Variants in SOCS7 observed in about 807,000 individuals in gnomAD.
The protein encoded by SOCS7 is NAP-4.
SOCS7 carries 18 observed loss-of-function variants against 58.9 expected under a neutral mutation model. The observed-to-expected ratio is 0.31, with a 90% CI of 0.21 to 0.45. SOCS7 has a LOEUF of 0.45. Among genes scored for constraint, SOCS7 ranks in the 20% least tolerant of loss-of-function variants. SOCS7 has a pLI of 1.00. For synonymous variants in SOCS7, 388 were observed against 364.3 expected (o/e 1.06, Z -0.74); for missense variants, 667 against 837.3 (o/e 0.80, Z 2.51).
At chr17:38,359,117 G>A (rs1228627501) in intron 1 of SOCS7, among the ~76,000 whole-genome samples, 1 of 152,184 alleles carries the variant, frequency 6.6e-6, no homozygotes, top group Non-Finnish European at 1.5e-5. Context: ...CTACTTGCTG[G>A]GTTTAATGTT....
At chr17:38,389,187 C>T (rs1159999726) in intron 7 of SOCS7, among the ~76,000 whole-genome samples, 1 of 152,208 alleles carries the variant, frequency 6.6e-6, no homozygotes. Context: ...AACATCTTTT[C>T]ATCTGCTTAT....
chr17:38,364,716 C>A (rs752819918), intron 2 of SOCS7, 36 bp from the exon 3 acceptor site: 2 of 1,563,998 alleles, frequency 1.3e-6, no homozygotes, highest in Non-Finnish European at 1.8e-6. Flanking sequence ...TTGGGCAAGG[C>A]GCTTCTGTAA....
intron 7 of SOCS7, among the ~76,000 whole-genome samples, chr17:38,387,015 G>A (rs1414977021): frequency 7.1e-6 from 1 of 141,406 alleles, no homozygotes; most frequent in South Asian, 2.2e-4. Context: ...GAATCGGGAG[G>A]CAGAGCTTGC....
intron 5 of SOCS7, among the ~76,000 whole-genome samples, chr17:38,367,267 G>A (rs2037802851): frequency 6.6e-6 from 1 of 152,094 alleles, no homozygotes; most frequent in African/African-American, 2.4e-5. Context: ...GTTTCACCAT[G>A]TTGGCCAGGC....
At position 38,352,451 on chromosome 17, in the gene SOCS7, G is replaced by C. The variant is rs960871743; in HGVS notation, c.399G>C (p.Ala133=). The C allele has an allele frequency of 1.4e-6, 2 of 1,461,254 alleles. No individual in the cohort carries two copies. Among genetic ancestry groups the C allele is most frequent in the Non-Finnish European group, 1.8e-6 (2 of 1,108,670 alleles). 90.5% of individuals were successfully genotyped at this position (1,461,254 alleles called of 1,614,324 possible). The stretch of plus-strand genomic sequence containing the variant: ...CGGCTCTGGGGCTCGGGCAGCCGGC[G>C]GGGCCGGGGGTCAAGACAGTCGGTG... ...QLAALGLGQP[A]GPGVKTVGGG... is the part of the protein sequence containing the mutation. The change falls in exon 1 of 10, where the codon GCG becomes GCC. Residue 133 remains alanine, a synonymous_variant. Coordinates refer to ENST00000612932, the MANE Select transcript of SOCS7 (RefSeq NM_014598.4). This position sits in a 1 kb window ranked among gnomAD's most constrained non-coding sequence, Gnocchi z 5.5.
intron 7 of SOCS7, among the ~76,000 whole-genome samples, chr17:38,385,598 TTA>T (rs1258105453): frequency 1.3e-5 from 2 of 152,148 alleles, no homozygotes; most frequent in Non-Finnish European, 2.9e-5. Context: ...ACACCTGTCT[TTA>T]TAATAATCAC....
intron 6 of SOCS7, among the ~76,000 whole-genome samples, chr17:38,374,287 C>T (rs1288773652): frequency 6.6e-6 from 1 of 152,126 alleles, no homozygotes; most frequent in African/African-American, 2.4e-5. Context: ...CCTGTAATCC[C>T]AGCACTTTGG....
chr17:38,399,324 T>C (rs2038288931), intron 9 of SOCS7, among the ~76,000 whole-genome samples, 189 bp from the exon 10 acceptor site: 1 of 152,104 alleles, frequency 6.6e-6, no homozygotes, highest in South Asian at 2.1e-4. Flanking sequence ...CATAGGCTGC[T>C]CAGGTCCCCC....
At chr17:38,364,310 C>T (rs587646212) in intron 2 of SOCS7, among the ~76,000 whole-genome samples, 25 of 152,268 alleles carry the variant, frequency 1.6e-4, no homozygotes, top group African/African-American at 5.5e-4. Context: ...TTCAGCTTAC[C>T]GTACAGTTCT....
At chr17:38,371,416 C>T (rs569109637) in intron 6 of SOCS7, among the ~76,000 whole-genome samples, 34 of 152,122 alleles carry the variant, frequency 2.2e-4, no homozygotes, top group Non-Finnish European at 3.2e-4. Context: ...TTCCTGGACG[C>T]GTGCCACCAC....
chr17:38,395,467 G>T (rs769732574), intron 8 of SOCS7, 23 bp downstream of exon 8: 48 of 1,608,038 alleles, frequency 3.0e-5, no homozygotes, highest in Non-Finnish European at 3.9e-5. Context: ...TGTCAGGTTT[G>T]GGACAGGAAT....
chr17:38,365,577 G>A, intron 4 of SOCS7, 168 bp downstream of exon 4: 1 of 459,666 alleles, frequency 2.2e-6, no homozygotes, highest in East Asian at 3.5e-5. Flanking sequence ...CGGAGAACTG[G>A]TTTTCCTAAC....
intron 7 of SOCS7, among the ~76,000 whole-genome samples, chr17:38,379,532 C>G (rs1444444618): frequency 1.3e-5 from 2 of 152,016 alleles, no homozygotes; most frequent in African/African-American, 4.8e-5. Context: ...TCATGCTTTC[C>G]CATTGAATCA....
At chr17:38,372,299 G>C (rs1420232819) in intron 6 of SOCS7, among the ~76,000 whole-genome samples, 1 of 152,154 alleles carries the variant, frequency 6.6e-6, no homozygotes, top group Admixed American at 6.6e-5. Flanking sequence ...GTTATAAAAA[G>C]TTAAAACTTT....
chr17:38,378,399 A>T (rs2037958931), intron 7 of SOCS7, among the ~76,000 whole-genome samples: 1 of 152,152 alleles, frequency 6.6e-6, no homozygotes, highest in Admixed American at 6.6e-5. Context: ...CTATAGTTCC[A>T]GCTAGTTGGG....
chr17:38,389,898 T>C lies in SOCS7; in HGVS notation c.1682-5411T>C, dbSNP rs1352116511. Among the ~76,000 whole-genome samples, 34 of 82,440 alleles carry C rather than the reference T, an allele frequency of 4.1e-4. No homozygotes were observed. The East Asian group carries it at 5.0e-3, about 12-fold the overall frequency. 54.1% of individuals were successfully genotyped at this position (82,440 alleles called of 152,430 possible). Reference sequence around the variant, plus strand: ...ATATATATATGTACATATATATATATACACATATAGAGAGAGAGAGAGAGA... The same window carrying C: ...ATATATATATGTACATATATATATACACACATATAGAGAGAGAGAGAGAGA... On this transcript the variant is annotated intron_variant, in intron 7 of 9. Coordinates refer to ENST00000612932, the MANE Select transcript of SOCS7 (RefSeq NM_014598.4).
Position 38,352,179 on chromosome 17 carries a change from C to T in SOCS7, c.127C>T (p.His43Tyr). 7.8e-7 allele frequency: 1 copy of T among 1,289,296 alleles called. No homozygotes were observed. 79.9% of individuals were successfully genotyped at this position (1,289,296 alleles called of 1,614,324 possible). Reference protein sequence around the residue: ...EPGPPPPPPGHGPPPPPFLAR... With the variant: ...EPGPPPPPPGYGPPPPPFLAR... The stretch of plus-strand genomic sequence containing the variant: ...AGGCCCTCCGCCACCGCCCCCGGGC[C>T]ATGGCCCCCCGCCGCCACCCTTCCT... The change falls in exon 1 of 10, where the codon CAT becomes TAT. Residue 43 changes from histidine to tyrosine, a missense_variant. Coordinates refer to ENST00000612932, the MANE Select transcript of SOCS7 (RefSeq NM_014598.4). This position sits in a 1 kb window ranked among gnomAD's most constrained non-coding sequence, Gnocchi z 5.5.
intron 7 of SOCS7, among the ~76,000 whole-genome samples, chr17:38,386,072 C>CCCAG (rs2038064373): frequency 6.6e-6 from 1 of 152,016 alleles, no homozygotes; most frequent in African/African-American, 2.4e-5. Flanking sequence ...GGCCTGTAAT[C>CCCAG]CCAGCACTTT....
At chr17:38,375,879 G>T (rs1053409141) in intron 6 of SOCS7, 3 of 151,930 alleles carry the variant, frequency 2.0e-5, no homozygotes, top group African/African-American at 7.3e-5. Flanking sequence ...GAGTGCAATG[G>T]TGTGATCTCG....
Sources: gnomAD v4.1 joint callset for allele counts (sites outside exome capture counted in the v4.1 genomes callset) on GRCh38, gnomAD v4.1.1 for gene constraint, Gnocchi (gnomAD v3.1) non-coding constraint, MANE v1.5 for transcripts, NCBI Gene and HGNC (gene_info 2026-07-23, HGNC 2026-07-21) for gene names.